Variants in CRADD observed in about 807,000 individuals in gnomAD.
The protein encoded by CRADD is death domain-containing protein CRADD.
Under a neutral mutation model 15.5 loss-of-function variants are expected in CRADD, and 9 were observed. That is an observed-to-expected ratio of 0.58 (90% CI 0.35 to 1.01). The LOEUF is 1.01. Among genes scored for constraint, CRADD ranks in the 50% least tolerant of loss-of-function variants. CRADD has a pLI of 0.02. For synonymous variants in CRADD, 118 were observed against 107.6 expected, an observed-to-expected ratio of 1.10 and a Z score of -0.60; for missense variants, 227 against 250.3, an observed-to-expected ratio of 0.91 and a Z score of 0.63.
At chr12:93,882,555 T>C (rs1301331790) in intron 2 of CRADD, among the ~76,000 whole-genome samples, 1 of 152,170 alleles carries the variant, frequency 6.6e-6, no homozygotes, top group Non-Finnish European at 1.5e-5. Context: ...AAGATTTGTA[T>C]GGAGGGCCTT....
At chr12:93,780,140 G>A (rs1020286756) in intron 2 of CRADD, among the ~76,000 whole-genome samples, 2 of 152,178 alleles carry the variant, frequency 1.3e-5, no homozygotes, top group South Asian at 2.1e-4. Flanking sequence ...CGTTGCTTGG[G>A]GCAGATGGAA....
intron 2 of CRADD, among the ~76,000 whole-genome samples, chr12:93,844,657 GAGAAGGATGACAGAGTATAGC>G (rs1391749991): frequency 1.3e-5 from 2 of 152,162 alleles, no homozygotes; most frequent in Non-Finnish European, 1.5e-5. Context: ...AAGAATGAGA[GAGAAGGATGACAGAGTATAGC>G]AGAAACACAG....
At chr12:93,884,708 C>T (rs900545833) in intron 2 of CRADD, among the ~76,000 whole-genome samples, 2 of 152,188 alleles carry the variant, frequency 1.3e-5, no homozygotes, top group African/African-American at 2.4e-5. Context: ...TCTCCTCACC[C>T]TTCTATGTGC....
intron 2 of CRADD, among the ~76,000 whole-genome samples, chr12:93,712,693 T>C (rs541163032): frequency 1.3e-5 from 2 of 152,300 alleles, no homozygotes; most frequent in South Asian, 4.1e-4. Context: ...GTTGGAATTA[T>C]GAAGACAGGT....
At chr12:93,857,702 CG>C (rs1958286702) in intron 2 of CRADD, among the ~76,000 whole-genome samples, 1 of 152,060 alleles carries the variant, frequency 6.6e-6, no homozygotes, top group Non-Finnish European at 1.5e-5. Context: ...CCACTTATGA[CG>C]GAAGAAGGCA....
At chr12:93,708,151 A>T (rs1448143928) in intron 2 of CRADD, 2 of 152,220 alleles carry the variant, frequency 1.3e-5, no homozygotes, top group Non-Finnish European at 2.9e-5. Flanking sequence ...AGGCCCTGGG[A>T]ATACAGAAGA....
At chr12:93,793,130 A>G (rs2136987443) in intron 2 of CRADD, among the ~76,000 whole-genome samples, 1 of 152,282 alleles carries the variant, frequency 6.6e-6, no homozygotes, top group South Asian at 2.1e-4. Flanking sequence ...GCAAACCATA[A>G]GCAACTCAAG....
At chr12:93,845,644 A>G (rs1301407557) in intron 2 of CRADD, among the ~76,000 whole-genome samples, 10 of 152,074 alleles carry the variant, frequency 6.6e-5, no homozygotes, top group Non-Finnish European at 1.5e-5. Context: ...CTGGTCTATA[A>G]GAAAACCCAG....
chr12:93,780,503 A>G (rs1194062882), intron 2 of CRADD, among the ~76,000 whole-genome samples: 1 of 152,210 alleles, frequency 6.6e-6, no homozygotes, highest in African/African-American at 2.4e-5. Context: ...TGGGATTCAG[A>G]TCAAGGTCTG....
chr12:93,760,014 A>G (rs1398451766), intron 2 of CRADD, among the ~76,000 whole-genome samples: 2 of 152,196 alleles, frequency 1.3e-5, no homozygotes, highest in African/African-American at 2.4e-5. Flanking sequence ...TGCTAATTGT[A>G]TAATTGGATT....
At chr12:93,851,701 T>C (rs1056156252), downstream of CRADD, among the ~76,000 whole-genome samples, 2 of 152,344 alleles carry the variant, frequency 1.3e-5, no homozygotes, top group South Asian at 2.1e-4. Context: ...AAATGGGATT[T>C]GATTTTATAA....
chr12:93,752,686 T>C (rs1434461611), intron 2 of CRADD, among the ~76,000 whole-genome samples: 3 of 152,116 alleles, frequency 2.0e-5, no homozygotes, highest in African/African-American at 4.8e-5. Context: ...GGGTAATTTA[T>C]AAAGAAAAAG....
At chr12:93,748,526 C>T (rs1453552099) in intron 2 of CRADD, among the ~76,000 whole-genome samples, 4 of 152,126 alleles carry the variant, frequency 2.6e-5, no homozygotes, top group Non-Finnish European at 5.9e-5. Context: ...AGGCTGGTCT[C>T]GAACTCCCAA....
At chr12:93,681,226 G>C (rs1302121005) in intron 2 of CRADD, among the ~76,000 whole-genome samples, 1 of 152,170 alleles carries the variant, frequency 6.6e-6, no homozygotes, top group Non-Finnish European at 1.5e-5. Flanking sequence ...GAGTTAGAAA[G>C]AATTAAGGCA....
intron 2 of CRADD, chr12:93,815,898 T>C (rs1423268905): frequency 1.3e-5 from 2 of 152,218 alleles, no homozygotes; most frequent in East Asian, 3.9e-4. Flanking sequence ...GCTAGTTAGC[T>C]TGCCCTGGTG....
At chr12:93,879,991 GA>G (rs1264779887) in intron 2 of CRADD, among the ~76,000 whole-genome samples, 1 of 152,190 alleles carries the variant, frequency 6.6e-6, no homozygotes, top group Non-Finnish European at 1.5e-5. Context: ...ATGCAAGGCA[GA>G]AATAATACAG....
chr12:93,887,586 G>T (rs144890948), intron 2 of CRADD, among the ~76,000 whole-genome samples: 1 of 152,186 alleles, frequency 6.6e-6, no homozygotes, highest in Non-Finnish European at 1.5e-5. Context: ...GTTAATAGTC[G>T]GTTCTTGGTA....
At chr12:93,815,546 A>G (rs1183195167) in intron 2 of CRADD, 2 of 152,228 alleles carry the variant, frequency 1.3e-5, no homozygotes, top group African/African-American at 4.8e-5. Context: ...ATTTAAAAAC[A>G]TGGGCAGGTT....
At chr12:93,698,157 TTA>T (rs1955755431) in intron 2 of CRADD, among the ~76,000 whole-genome samples, 1 of 152,112 alleles carries the variant, frequency 6.6e-6, no homozygotes, top group Non-Finnish European at 1.5e-5. Flanking sequence ...ACCTGCCTGC[TTA>T]TGCTGTCTTC....
Sources: gnomAD v4.1 joint callset for allele counts (sites outside exome capture counted in the v4.1 genomes callset) on GRCh38, gnomAD v4.1.1 for gene constraint, MANE v1.5 for transcripts, NCBI Gene and HGNC (gene_info 2026-07-23, HGNC 2026-07-21) for gene names.